PLCL1: variants seen among roughly 807,000 people sequenced by gnomAD.
The protein encoded by PLCL1 is inactive phospholipase C-like protein 1.
A neutral mutation model predicts 84.4 loss-of-function variants in PLCL1; 41 were observed. That is an observed-to-expected ratio of 0.49 (90% confidence interval 0.38 to 0.63). The LOEUF is 0.63. Ranked by LOEUF, PLCL1 falls within the 30% of genes least tolerant of loss-of-function variation. PLCL1 has a pLI of 0.00. For missense variants in PLCL1, 1,206 were observed against 1,367.8 expected (o/e 0.88, Z 1.87); for synonymous variants, 490 against 488.3 (o/e 1.00, Z -0.05).
chr2:198,088,832 G>A (rs770403889), intron 2 of PLCL1, 26 bp from the exon 3 acceptor site: 2 of 1,427,196 alleles, frequency 1.4e-6, no homozygotes, highest in Non-Finnish European at 2.0e-6. Context: ...GGTCAGAAGT[G>A]TGATTCCATG....
At position 198,077,524 on chromosome 2, in the gene PLCL1, T is replaced by C. The variant is rs115277560; in HGVS notation, c.241-6234T>C. Among the ~76,000 whole-genome samples the C allele has an allele frequency of 4.4e-3, 672 of 152,270 alleles. 4 individuals carry two copies. The highest frequency in any genetic ancestry group is 0.015 in the African/African-American group (643 of 41,554). ...TTTTCTTACCCCTCAGCTCTTCTTTTCTTTTAGGTCTTCTCTCCTGCCCAG... is the reference window on the plus strand; with the variant it reads ...TTTTCTTACCCCTCAGCTCTTCTTTCCTTTTAGGTCTTCTCTCCTGCCCAG... On this transcript the variant is annotated intron_variant, in intron 1 of 5. Coordinates refer to ENST00000428675, the MANE Select transcript of PLCL1 (RefSeq NM_006226.4).
rs1167503823 is a variant in PLCL1, at chr2:198,147,773, A to C, written c.*811A>C. 1 of 152,298 alleles carries C rather than the reference A, an allele frequency of 6.6e-6. No homozygotes were observed. The highest frequency in any genetic ancestry group is 1.9e-4 in the East Asian group (1 of 5,336). The allele number at this position is 152,298 out of a possible 1,614,324, so 9.4% of individuals were successfully genotyped here. A position where few individuals can be genotyped will look rare whatever the true frequency, so the allele number is the denominator to read the frequency against. On this transcript the variant is annotated 3_prime_UTR_variant, in exon 6 of 6. Coordinates refer to ENST00000428675, the MANE Select transcript of PLCL1 (RefSeq NM_006226.4). ...GTTGCAATTAGGATTTTGATGTGAC[A>C]ATAATATTGTTGTATAATTTCGAGA...
chr2:197,888,120 C>T (rs555640348), intron 1 of PLCL1, among the ~76,000 whole-genome samples: 15 of 151,806 alleles, frequency 9.9e-5, no homozygotes, highest in African/African-American at 3.4e-4. Flanking sequence ...CTTATTTTTA[C>T]TAGCGGTCAT....
In PLCL1 at chr2:198,148,114, T is replaced by G. The variant is rs1574347256; in HGVS notation, c.*1152T>G. On this transcript the variant is annotated 3_prime_UTR_variant, in exon 6 of 6. Coordinates refer to ENST00000428675, the MANE Select transcript of PLCL1 (RefSeq NM_006226.4). ...ACATTTATAATTGCATCTAGGTAAT[T>G]TTTACCCTAATGTCTTCATAAAGTA... is the stretch of plus-strand genomic sequence containing the variant. The G allele has an allele frequency of 6.6e-6, 1 of 152,414 alleles. No homozygotes were observed. Among genetic ancestry groups the G allele is most frequent in the South Asian group, 2.1e-4 (1 of 4,826 alleles). 9.4% of individuals were successfully genotyped at this position (152,414 alleles called of 1,614,324 possible).
intron 1 of PLCL1, among the ~76,000 whole-genome samples, chr2:197,819,884 A>ATG (rs57885218): frequency 0.068 from 9,562 of 140,548 alleles, 467 homozygotes; most frequent in African/African-American, 0.15. Flanking sequence ...ACTATTATGC[A>ATG]TGTGTGTGTG....
chr2:198,110,511 C>T (rs762662531), intron 5 of PLCL1, among the ~76,000 whole-genome samples: 13 of 151,766 alleles, frequency 8.6e-5, no homozygotes, highest in Non-Finnish European at 1.9e-4. Flanking sequence ...CAATTAGAGC[C>T]TGAAAACACA....
At chr2:197,846,418 G>A (rs1264806207) in intron 1 of PLCL1, among the ~76,000 whole-genome samples, 1 of 152,106 alleles carries the variant, frequency 6.6e-6, no homozygotes, top group Non-Finnish European at 1.5e-5. Flanking sequence ...GGTAGTACGA[G>A]AGAAGCAAAT....
chr2:198,138,534 TATTA>T (rs1268087893), intron 5 of PLCL1, among the ~76,000 whole-genome samples: 4 of 152,194 alleles, frequency 2.6e-5, no homozygotes, highest in African/African-American at 9.7e-5. Context: ...TAGTATATGA[TATTA>T]ATTAATTATT....
intron 1 of PLCL1, among the ~76,000 whole-genome samples, chr2:198,059,853 G>A (rs769994715): frequency 7.2e-5 from 11 of 152,152 alleles, no homozygotes; most frequent in African/African-American, 1.2e-4. Context: ...CAGGAATTCC[G>A]TCGATGCACG....
intron 5 of PLCL1, among the ~76,000 whole-genome samples, chr2:198,144,069 G>A (rs1326350212): frequency 6.6e-5 from 10 of 152,230 alleles, no homozygotes; most frequent in African/African-American, 2.4e-4. Context: ...CTGGCATTTG[G>A]ATGCCACCTC....
intron 1 of PLCL1, among the ~76,000 whole-genome samples, chr2:198,043,881 CTTTTT>C (rs397800019): frequency 1.6e-5 from 2 of 124,870 alleles, no homozygotes; most frequent in East Asian, 2.3e-4. Flanking sequence ...AATTCTTGTT[CTTTTT>C]TTTTTTTTTT....
intron 5 of PLCL1, among the ~76,000 whole-genome samples, chr2:198,114,089 A>G (rs189649857): frequency 6.6e-6 from 1 of 152,036 alleles, no homozygotes; most frequent in East Asian, 1.9e-4. Flanking sequence ...TGATGCATCT[A>G]TAATTTAAAA....
intron 1 of PLCL1, among the ~76,000 whole-genome samples, chr2:198,050,315 A>G (rs1198794705): frequency 1.3e-5 from 2 of 152,152 alleles, no homozygotes; most frequent in Admixed American, 6.5e-5. Context: ...TTAAACAAGA[A>G]AGTAAAAGTA....
chr2:198,083,851 A>G lies in PLCL1; in HGVS notation c.334A>G (p.Ile112Val), dbSNP rs761189932. The change falls in exon 2 of 6, where the codon ATC becomes GTC. Residue 112 changes from isoleucine (I) to valine (V), a missense_variant. Transcript: ENST00000428675. ...EKKISSANDC[I>V]SFMQAGCELK... ...GAAAATTAGCAGTGCAAATGACTGCATCAGCTTCATGCAAGCTGGCTGTGA... is the reference window on the plus strand; with the variant it reads ...GAAAATTAGCAGTGCAAATGACTGCGTCAGCTTCATGCAAGCTGGCTGTGA... 2.5e-6 allele frequency: 4 copies of G among 1,614,002 alleles called. No homozygotes were observed. Among genetic ancestry groups the G allele is most frequent in the South Asian group, 1.1e-5 (1 of 91,084 alleles).
At chr2:198,049,153 G>A (rs1324584568) in intron 1 of PLCL1, among the ~76,000 whole-genome samples, 1 of 152,176 alleles carries the variant, frequency 6.6e-6, no homozygotes, top group Non-Finnish European at 1.5e-5. Flanking sequence ...ACCAAGTGGT[G>A]TGCACAGGTC....
chr2:198,118,036 C>A (rs1438464075), intron 5 of PLCL1, among the ~76,000 whole-genome samples: 1 of 151,780 alleles, frequency 6.6e-6, no homozygotes, highest in Non-Finnish European at 1.5e-5. Flanking sequence ...TTAAACCCTG[C>A]TTATTGTAAG....
chr2:197,976,334 C>A (rs1310722353), intron 1 of PLCL1, among the ~76,000 whole-genome samples: 2 of 152,218 alleles, frequency 1.3e-5, no homozygotes, highest in Non-Finnish European at 2.9e-5. Context: ...CTGACTCTCT[C>A]TTTCTTCTAT....
rs555640365 is a variant in PLCL1 at position 197,978,122 on chromosome 2, A to C, written c.241-105636A>C. On this transcript the variant is annotated intron_variant, in intron 1 of 5. Transcript: ENST00000428675. ...TAGAGTAAATCCGCACTTTGTTCAT[A>C]TGTTCTTGGAAACTGTGAAGTTAAG... 4.6e-5 allele frequency among the ~76,000 whole-genome samples: 7 copies of C among 152,338 alleles called. No homozygotes were observed. The South Asian group carries it at 1.4e-3, about 32-fold the overall frequency.
chr2:197,843,703 C>T (rs759080952), intron 1 of PLCL1, among the ~76,000 whole-genome samples: 1 of 152,108 alleles, frequency 6.6e-6, no homozygotes, highest in African/African-American at 2.4e-5. Flanking sequence ...TTTGGTTGTC[C>T]TTCCCAAAAC....
Sources: gnomAD v4.1 joint callset for allele counts (sites outside exome capture counted in the v4.1 genomes callset) on GRCh38, gnomAD v4.1.1 for gene constraint, MANE v1.5 for transcripts, NCBI Gene and HGNC (gene_info 2026-07-23, HGNC 2026-07-21) for gene names.